The following CCDC152 variants were observed in gnomAD, a reference collection of about 807,000 sequenced individuals.
CCDC152 encodes the protein coiled-coil domain-containing protein 152.
In CCDC152, 37 loss-of-function variants were observed where a neutral mutation model predicts 38.1. That is an observed-to-expected ratio of 0.97 (90% CI 0.75 to 1.28). The LOEUF is 1.28. Ranked by LOEUF, CCDC152 falls within the 50% of genes most tolerant of loss-of-function variation. CCDC152 has a pLI of 0.00. For missense variants in CCDC152, 259 were observed against 292.1 expected (o/e 0.89, Z 0.83); for synonymous variants, 83 against 87.1 (o/e 0.95, Z 0.26).
chr5:42,799,603 T>A, intron 8 of CCDC152, 56 bp from the exon 9 acceptor site: 1 of 1,348,026 alleles, frequency 7.4e-7, no homozygotes, highest in Non-Finnish European at 1.0e-6. Context: ...ATTTTGTTGT[T>A]CCTTGTACTA....
At chr5:42,762,947 C>T (rs911657851) in intron 3 of CCDC152, among the ~76,000 whole-genome samples, 1 of 152,190 alleles carries the variant, frequency 6.6e-6, no homozygotes, top group Non-Finnish European at 1.5e-5. Context: ...AATCTGTACA[C>T]ATATATTGAT....
chr5:42,774,397 A>C (rs1038039170), intron 4 of CCDC152, among the ~76,000 whole-genome samples: 2 of 152,178 alleles, frequency 1.3e-5, no homozygotes, highest in African/African-American at 4.8e-5. Context: ...AAGAAAAGTA[A>C]CCATTTTGAA....
chr5:42,768,577 G>A (rs1759656055), intron 3 of CCDC152, among the ~76,000 whole-genome samples: 2 of 152,186 alleles, frequency 1.3e-5, no homozygotes, highest in Admixed American at 1.3e-4. Flanking sequence ...GCCATTGGCA[G>A]CACAGTTGCT....
chr5:42,797,011 A>C, intron 7 of CCDC152, 55 bp downstream of exon 7: 2 of 1,301,896 alleles, frequency 1.5e-6, no homozygotes, highest in South Asian at 2.9e-5. Context: ...TCTAAACTGT[A>C]CTTTGATTGT....
intron 5 of CCDC152, 76 bp from the exon 6 acceptor site, chr5:42,783,398 A>T: frequency 1.8e-6 from 1 of 544,516 alleles, no homozygotes; most frequent in African/African-American, 2.0e-5. Context: ...TGAATGGAGA[A>T]TTTCACCTTT....
chr5:42,758,121 C>T (rs1052685172), intron 1 of CCDC152, among the ~76,000 whole-genome samples: 18 of 151,916 alleles, frequency 1.2e-4, no homozygotes, highest in African/African-American at 3.6e-4. Flanking sequence ...GATAATAATT[C>T]GAGATAATAA....
chr5:42,759,473 A>G (rs902317413), intron 2 of CCDC152, among the ~76,000 whole-genome samples: 3 of 152,262 alleles, frequency 2.0e-5, no homozygotes, highest in Non-Finnish European at 4.4e-5. Context: ...CAGAAAATAC[A>G]TATAGTAGTC....
chr5:42,766,012 C>A, intron 3 of CCDC152, among the ~76,000 whole-genome samples: 1 of 151,998 alleles, frequency 6.6e-6, no homozygotes, highest in East Asian at 1.9e-4. Flanking sequence ...CAAACTACCC[C>A]TCTGACAAGG....
chr5:42,781,409 G>A (rs550187446), intron 5 of CCDC152, among the ~76,000 whole-genome samples: 158 of 152,218 alleles, frequency 1.0e-3, no homozygotes, highest in South Asian at 4.6e-3. Flanking sequence ...CTTGAACTGA[G>A]ATAATATGGA....
chr5:42,765,627 C>T (rs1353678446), intron 3 of CCDC152, among the ~76,000 whole-genome samples: 1 of 152,010 alleles, frequency 6.6e-6, no homozygotes, highest in Non-Finnish European at 1.5e-5. Flanking sequence ...ATAGTGAGCT[C>T]ATTTTTGACA....
chr5:42,758,438 T>C (rs1579702508), intron 1 of CCDC152, among the ~76,000 whole-genome samples: 1 of 152,204 alleles, frequency 6.6e-6, no homozygotes, highest in East Asian at 1.9e-4. Context: ...CCCTTTCTTC[T>C]TTGCTATAGA....
intron 4 of CCDC152, among the ~76,000 whole-genome samples, chr5:42,772,659 A>G (rs927821147): frequency 1.3e-5 from 2 of 152,182 alleles, no homozygotes; most frequent in Middle Eastern, 6.8e-3. Flanking sequence ...CAAAAAAAAA[A>G]AAAAAAATAG....
intron 4 of CCDC152, among the ~76,000 whole-genome samples, chr5:42,771,632 T>C (rs1234575181): frequency 6.6e-6 from 1 of 151,922 alleles, no homozygotes; most frequent in Non-Finnish European, 1.5e-5. Flanking sequence ...TAAGGGACTA[T>C]TAAGAGCAAC....
At chr5:42,799,038 G>A (rs142833458) in intron 7 of CCDC152, among the ~76,000 whole-genome samples, 31 of 152,090 alleles carry the variant, frequency 2.0e-4, no homozygotes, top group Admixed American at 4.6e-4. Flanking sequence ...TCTAAACCCT[G>A]TCTGCACTAT....
At chr5:42,778,314 C>G (rs1192974806) in intron 4 of CCDC152, among the ~76,000 whole-genome samples, 1 of 152,148 alleles carries the variant, frequency 6.6e-6, no homozygotes, top group African/African-American at 2.4e-5. Context: ...TACCTCTCCT[C>G]ATTTCCTGTC....
chr5:42,760,303 CAAAAAAA>C (rs148225690), intron 2 of CCDC152, among the ~76,000 whole-genome samples: 1 of 105,814 alleles, frequency 9.5e-6, no homozygotes. Context: ...GACTCCGTCT[CAAAAAAA>C]AAAAAAAAAA....
At chr5:42,776,362 G>A (rs1759768735) in intron 4 of CCDC152, among the ~76,000 whole-genome samples, 1 of 152,124 alleles carries the variant, frequency 6.6e-6, no homozygotes, top group African/African-American at 2.4e-5. Context: ...ATTACATAAT[G>A]ATAAAAGGGT....
intron 4 of CCDC152, among the ~76,000 whole-genome samples, chr5:42,778,191 T>C (rs112005582): frequency 3.9e-5 from 6 of 152,356 alleles, no homozygotes; most frequent in African/African-American, 1.4e-4. Flanking sequence ...CATATTTCCA[T>C]ATTCTAGTGA....
intron 3 of CCDC152, among the ~76,000 whole-genome samples, chr5:42,763,097 C>G (rs1159286871): frequency 6.6e-6 from 1 of 151,996 alleles, no homozygotes; most frequent in Non-Finnish European, 1.5e-5. Context: ...GATTATAGCA[C>G]TGGGGCAGGA....
Sources: gnomAD v4.1 joint callset for allele counts (sites outside exome capture counted in the v4.1 genomes callset) on GRCh38, gnomAD v4.1.1 for gene constraint, MANE v1.5 for transcripts, NCBI Gene and HGNC (gene_info 2026-07-23, HGNC 2026-07-21) for gene names.